The following CASK variants were observed in gnomAD, a reference collection of about 807,000 sequenced individuals.
CASK encodes calcium/calmodulin dependent serine protein kinase.
In CASK, 4 loss-of-function variants were observed where a neutral mutation model predicts 82.9. That is an observed-to-expected ratio of 0.05 (90% CI 0.02 to 0.11). The LOEUF (loss-of-function observed/expected upper bound fraction) is 0.11. Among genes scored for constraint, CASK ranks in the 10% least tolerant of loss-of-function variants. The pLI, the probability that CASK is intolerant of heterozygous loss-of-function variation, is 1.00. For synonymous variants in CASK, 259 were observed against 253.5 expected (o/e 1.02, Z -0.20); for missense variants, 358 against 720.9 (o/e 0.50, Z 5.76).
At chrX:41,721,699 T>C (rs2068171732) in intron 5 of CASK, among the ~76,000 whole-genome samples, 1 of 111,923 alleles carries the variant, frequency 8.9e-6, no homozygotes, top group Admixed American at 9.5e-5. Flanking sequence ...GGCAAGCTAT[T>C]TAACCTCTTT....
At chrX:41,566,517 C>A (rs183739279) in intron 16 of CASK, among the ~76,000 whole-genome samples, 153 of 111,383 alleles carry the variant, frequency 1.4e-3, no homozygotes, top group African/African-American at 4.7e-3. Context: ...ACCTAAGAAT[C>A]CAACTTACAA....
chrX:41,568,145 G>A (rs1022287208), intron 16 of CASK, among the ~76,000 whole-genome samples: 4 of 108,527 alleles, frequency 3.7e-5, no homozygotes, highest in African/African-American at 1.4e-4. Context: ...TGTAAATGAT[G>A]AGTTGATGGG....
intron 9 of CASK, among the ~76,000 whole-genome samples, chrX:41,629,374 C>T (rs754107549): frequency 1.8e-5 from 2 of 111,843 alleles, no homozygotes; most frequent in African/African-American, 3.3e-5. Context: ...AAATAGGTCA[C>T]GGATTCATAT....
chrX:41,733,673 T>C lies in CASK; in HGVS notation c.429+5711A>G, dbSNP rs1181668524. 2.7e-5 allele frequency among the ~76,000 whole-genome samples: 3 copies of C among 110,066 alleles called. No individual in the cohort carries two copies. The East Asian group carries it at 8.5e-4, about 31-fold the overall frequency. ...CTGAGGCAGGAGAATGGCGTGGACC[T>C]GGGAGGTTGAGCTTGCAGTGAGCTG... is the stretch of plus-strand genomic sequence containing the variant. On this transcript the variant is annotated intron_variant, in intron 5 of 26. Transcript: ENST00000378163.
intron 5 of CASK, among the ~76,000 whole-genome samples, chrX:41,725,600 T>C (rs1054696734): frequency 8.9e-6 from 1 of 111,766 alleles, no homozygotes; most frequent in African/African-American, 3.2e-5. Flanking sequence ...CCAGTAACTT[T>C]TGTTATTCTC....
At chrX:41,578,950 T>A (rs2065524021) in intron 14 of CASK, among the ~76,000 whole-genome samples, 1 of 112,221 alleles carries the variant, frequency 8.9e-6, no homozygotes, top group South Asian at 3.6e-4. Flanking sequence ...AATGAGTGAA[T>A]CAATGAAGAG....
intron 13 of CASK, chrX:41,588,243 C>T (rs2065687400): frequency 8.9e-6 from 1 of 111,821 alleles, no homozygotes; most frequent in Non-Finnish European, 1.9e-5. Flanking sequence ...CCGAGTTTCT[C>T]TATTAGTGAA....
chrX:41,684,954 C>T (rs768177262), intron 5 of CASK, among the ~76,000 whole-genome samples: 20 of 111,402 alleles, frequency 1.8e-4, no homozygotes, highest in African/African-American at 6.5e-4. Flanking sequence ...TTAGGAAATA[C>T]ATAAATGGAT....
intron 5 of CASK, among the ~76,000 whole-genome samples, chrX:41,674,126 G>A (rs2067233950): frequency 9.1e-6 from 1 of 110,290 alleles, no homozygotes; most frequent in Non-Finnish European, 1.9e-5. Context: ...AACCATTCAG[G>A]ATAGGCAGGG....
chrX:41,738,005 C>A (rs942498151), intron 5 of CASK, among the ~76,000 whole-genome samples: 4 of 113,239 alleles, frequency 3.5e-5, no homozygotes, highest in African/African-American at 1.3e-4. Context: ...GACGGAGTCT[C>A]GCTCTGTCGC....
Position 41,622,608 on chromosome X carries a change from G to T in CASK, c.1033+9C>A. 1 of 1,194,346 alleles carries T rather than the reference G, an allele frequency of 8.4e-7. No individual in the cohort carries two copies. The highest frequency in any genetic ancestry group is 1.1e-6 in the Non-Finnish European group (1 of 882,871). The stretch of plus-strand genomic sequence containing the variant: ...GATACACCTTAAAGGAAAACAAAGG[G>T]ATACCTACTTTCTGCTGCTAGAAGT... On this transcript the variant is annotated intron_variant, in intron 11 of 26. Transcript: ENST00000378163.
At chrX:41,777,521 C>T (rs1031463785) in intron 3 of CASK, among the ~76,000 whole-genome samples, 6 of 108,577 alleles carry the variant, frequency 5.5e-5, no homozygotes, top group African/African-American at 1.0e-4. Context: ...TTTTAGCAGA[C>T]GACAGTGAAC....
intron 2 of CASK, among the ~76,000 whole-genome samples, chrX:41,811,883 G>A (rs1182385813): frequency 1.2e-3 from 137 of 110,913 alleles, no homozygotes; most frequent in African/African-American, 3.9e-3. Context: ...TCAAATAGAC[G>A]CAATAAAAAA....
chrX:41,685,633 C>T (rs992207960), intron 5 of CASK, among the ~76,000 whole-genome samples: 8 of 111,220 alleles, frequency 7.2e-5, no homozygotes, highest in African/African-American at 2.6e-4. Context: ...AGGTATGTGC[C>T]ACCACACCCG....
chrX:41,613,006 G>A (rs2066121163), intron 11 of CASK, among the ~76,000 whole-genome samples: 1 of 104,150 alleles, frequency 9.6e-6, no homozygotes, highest in Admixed American at 9.9e-5. Flanking sequence ...CGGGAGGGAG[G>A]TGGGGGGGTC....
chrX:41,720,057 G>A (rs1443249131), intron 5 of CASK, among the ~76,000 whole-genome samples: 1 of 113,118 alleles, frequency 8.8e-6, no homozygotes, highest in Non-Finnish European at 1.9e-5. Flanking sequence ...GAAAGTCTTC[G>A]AAGAGGAACC....
chrX:41,810,263 G>A (rs1334310006), intron 2 of CASK, among the ~76,000 whole-genome samples: 1 of 111,687 alleles, frequency 9.0e-6, no homozygotes, highest in Non-Finnish European at 1.9e-5. Flanking sequence ...TCCTCGCGAA[G>A]AGCAACTCCA....
At chrX:41,652,487 G>C (rs1273890815) in intron 8 of CASK, among the ~76,000 whole-genome samples, 1 of 111,976 alleles carries the variant, frequency 8.9e-6, no homozygotes, top group African/African-American at 3.2e-5. Context: ...GTATGCCAAT[G>C]ACTGACTGAT....
At chrX:41,650,237 A>G (rs2066842859) in intron 8 of CASK, among the ~76,000 whole-genome samples, 1 of 111,491 alleles carries the variant, frequency 9.0e-6, no homozygotes, top group Non-Finnish European at 1.9e-5. Flanking sequence ...TAATTGGAGC[A>G]TTTAGCCCAT....
Sources: allele counts gnomAD v4.1 joint callset (sites outside exome capture counted in the v4.1 genomes callset), GRCh38; gene constraint gnomAD v4.1.1; transcripts MANE v1.5; gene names NCBI Gene and HGNC (gene_info 2026-07-23, HGNC 2026-07-21).